Variants in HIVEP1 observed in about 807,000 individuals in gnomAD.
The protein encoded by HIVEP1 is zinc finger protein 40.
HIVEP1 carries 36 observed loss-of-function variants against 180.0 expected under a neutral mutation model. The observed-to-expected ratio is 0.20, with a 90% confidence interval of 0.15 to 0.26. The LOEUF (loss-of-function observed/expected upper bound fraction) is 0.26, where lower values mean the gene tolerates loss of function less well. HIVEP1 is among the 10% of genes least tolerant of loss of function. HIVEP1 has a pLI of 1.00. For missense variants in HIVEP1, 3,143 were observed against 3,268.7 expected (o/e 0.96, Z 0.94); for synonymous variants, 1,239 against 1,239.0 (o/e 1.00, Z 0.00).
At chr6:12,060,455 TA>T (rs1447172964) in intron 2 of HIVEP1, among the ~76,000 whole-genome samples, 12 of 152,218 alleles carry the variant, frequency 7.9e-5, no homozygotes, top group Non-Finnish European at 1.8e-4. Context: ...GGTTTAAAAG[TA>T]AAAATATTTT....
In HIVEP1 at chr6:12,129,762, G is replaced by C. The variant is rs749236826; in HGVS notation, c.6079G>C (p.Ala2027Pro). ...SKWKSSLSKR[A>P]LGNQKSTVVE... ...TTTCTCTCTTTTTTCCTTTCAGAGA[G>C]CATTAGGTAATCAAAAGTCCACAGT... The change falls in exon 5 of 9, where the codon GCA becomes CCA. Residue 2027 changes from alanine (A) to proline (P), a missense_variant. Around this residue, in one of 12 missense-constraint regions of HIVEP1, gnomAD observed 1,357 missense variants for 1,260.5 expected, o/e 1.08. Transcript: ENST00000379388. 6.2e-7 allele frequency: 1 copy of C among 1,601,064 alleles called. No individual in the cohort carries two copies.
chr6:12,103,158 T>C (rs1446791773), intron 3 of HIVEP1, among the ~76,000 whole-genome samples: 2 of 150,018 alleles, frequency 1.3e-5, no homozygotes, highest in South Asian at 2.1e-4. Context: ...AGTATTGCAA[T>C]TGCAACCAGC....
At chr6:12,037,169 T>A (rs1412667348) in intron 2 of HIVEP1, among the ~76,000 whole-genome samples, 1 of 151,322 alleles carries the variant, frequency 6.6e-6, no homozygotes, top group African/African-American at 2.4e-5. Context: ...GGTCTTGGAG[T>A]GGGTGGGTGT....
At position 12,164,291 on chromosome 6, in the gene HIVEP1, C is replaced by T. The variant is rs1203260589; in HGVS notation, c.7987C>T (p.Pro2663Ser). ...GGGCCAACCAGCGTCCACGTCACAA[C>T]CTCTGCTGAAGGCACATTCTGAAGT... ...IQGQPASTSQ[P>S]LLKAHSEVFT... Residue 2663 changes from proline (P) to serine (S), a missense_variant, in exon 9 of 9, where the codon CCT becomes TCT. Coordinates refer to ENST00000379388, the MANE Select transcript of HIVEP1 (RefSeq NM_002114.4). The T allele has an allele frequency of 3.1e-6, 5 of 1,613,972 alleles. No individual in the cohort carries two copies.
At chr6:12,101,993 T>C (rs1774140527) in intron 3 of HIVEP1, among the ~76,000 whole-genome samples, 1 of 144,578 alleles carries the variant, frequency 6.9e-6, no homozygotes, top group African/African-American at 2.6e-5. Context: ...AAAATGTTAC[T>C]AGAGGTAAAG....
At chr6:12,140,877 C>A (rs1376339335) in intron 7 of HIVEP1, among the ~76,000 whole-genome samples, 1 of 152,126 alleles carries the variant, frequency 6.6e-6, no homozygotes, top group African/African-American at 2.4e-5. Context: ...TGTGAAAAAA[C>A]CAAATCTACA....
chr6:12,027,758 A>G (rs1187203056), intron 2 of HIVEP1, among the ~76,000 whole-genome samples: 1 of 152,220 alleles, frequency 6.6e-6, no homozygotes, highest in Admixed American at 6.5e-5. Context: ...CATCTGAGTG[A>G]TTGATAATTG....
intron 3 of HIVEP1, among the ~76,000 whole-genome samples, chr6:12,105,988 A>G (rs900548279): frequency 8.6e-5 from 13 of 151,610 alleles, no homozygotes; most frequent in African/African-American, 3.1e-4. Context: ...CTAAGTACAT[A>G]TATACATATA....
In HIVEP1 at chr6:12,164,223, C is replaced by T. The variant is rs73722708; in HGVS notation, c.7919C>T (p.Ser2640Leu). The change falls in exon 9 of 9, where the codon TCG becomes TTG. Residue 2640 changes from serine to leucine, a missense_variant. Physicochemically the swap from Ser to Leu is moderately radical, Grantham distance 145. Transcript: ENST00000379388. ...AAAATGGACACAGAGAAGGCTGCCT[C>T]GGCAAATCACGTGAAGCCCAAGCCT... ...LSKMDTEKAA[S>L]ANHVKPKPEL... is the part of the protein sequence containing the mutation. 1.0e-3 allele frequency: 1,649 copies of T among 1,614,110 alleles called. 13 individuals are homozygous for T. In the African/African-American group the frequency reaches 0.02, roughly 19 times the overall value.
At chr6:12,161,258 C>T (rs1284033484) in intron 7 of HIVEP1, among the ~76,000 whole-genome samples, 181 bp from the exon 8 acceptor site, 1 of 152,194 alleles carries the variant, frequency 6.6e-6, no homozygotes, top group East Asian at 1.9e-4. Context: ...CCTCTGAATC[C>T]TGATGGCCAA....
At chr6:12,037,539 A>G (rs1035153078) in intron 2 of HIVEP1, among the ~76,000 whole-genome samples, 4 of 152,190 alleles carry the variant, frequency 2.6e-5, no homozygotes, top group African/African-American at 7.2e-5. Context: ...TTGAATATAA[A>G]CATATTTGTG....
the HIVEP1 span, among the ~76,000 whole-genome samples, chr6:12,192,679 A>G: frequency 1.4e-3 from 208 of 152,148 alleles, 1 homozygote; most frequent in African/African-American, 4.7e-3. Flanking sequence ...CCCTTCCTCT[A>G]TGATTGTAAG....
intron 1 of HIVEP1, among the ~76,000 whole-genome samples, chr6:12,015,317 C>A (rs989756018): frequency 6.6e-6 from 1 of 152,052 alleles, no homozygotes; most frequent in African/African-American, 2.4e-5. Context: ...GATAAAGATA[C>A]GGTGTTTTTT....
downstream of HIVEP1, among the ~76,000 whole-genome samples, chr6:12,166,564 AT>A (rs1287577688): frequency 2.0e-5 from 3 of 152,234 alleles, no homozygotes; most frequent in Non-Finnish European, 4.4e-5. Context: ...ATGCAGCTCT[AT>A]AAAAAATATT....
At chr6:12,187,703 A>G in the HIVEP1 span, among the ~76,000 whole-genome samples, 5 of 150,316 alleles carry the variant, frequency 3.3e-5, no homozygotes, top group African/African-American at 1.2e-4. Flanking sequence ...AGTGTTTCTC[A>G]TGCTTCAGCC....
chr6:12,186,195 A>G, the HIVEP1 span, among the ~76,000 whole-genome samples: 1 of 151,854 alleles, frequency 6.6e-6, no homozygotes, highest in Admixed American at 6.6e-5. Flanking sequence ...ATACAATGAA[A>G]TTGTATATTC....
chr6:12,077,370 G>A (rs1021133066), intron 2 of HIVEP1, among the ~76,000 whole-genome samples: 1 of 152,174 alleles, frequency 6.6e-6, no homozygotes, highest in Non-Finnish European at 1.5e-5. Flanking sequence ...CCAGAGGGAC[G>A]CTTTGTTCAG....
chr6:12,178,931 G>A, the HIVEP1 span, among the ~76,000 whole-genome samples: 1 of 152,226 alleles, frequency 6.6e-6, no homozygotes, highest in African/African-American at 2.4e-5. Flanking sequence ...GCGTTAGATA[G>A]ATGGATGGAT....
chr6:12,014,289 A>T (rs900961258), intron 1 of HIVEP1, among the ~76,000 whole-genome samples: 1 of 152,214 alleles, frequency 6.6e-6, no homozygotes, highest in African/African-American at 2.4e-5. Flanking sequence ...AGATGTTATC[A>T]GCTCCACAAA....
Sources: gnomAD v4.1 joint callset for allele counts (sites outside exome capture counted in the v4.1 genomes callset) on GRCh38, gnomAD v4.1.1 for gene constraint, gnomAD v4.1.1 regional missense constraint, MANE v1.5 for transcripts, NCBI Gene and HGNC (gene_info 2026-07-23, HGNC 2026-07-21) for gene names.